The following LIMK1 variants were observed in gnomAD, a reference collection of about 807,000 sequenced individuals.
LIMK1 encodes LIM motif-containing protein kinase.
Under a neutral mutation model 77.6 loss-of-function variants are expected in LIMK1, and 21 were observed. The observed-to-expected ratio is 0.27, with a 90% CI of 0.19 to 0.39. The LOEUF (loss-of-function observed/expected upper bound fraction) is 0.39. Among genes scored for constraint, LIMK1 ranks in the 10% least tolerant of loss-of-function variants. LIMK1 has a pLI of 1.00. For synonymous variants in LIMK1, 358 were observed against 370.0 expected (o/e 0.97, Z 0.37); for missense variants, 696 against 901.6 (o/e 0.77, Z 2.92).
intron 4 of LIMK1, 129 bp downstream of exon 4, chr7:74,097,318 C>T: frequency 1.8e-6 from 1 of 548,752 alleles, no homozygotes; most frequent in East Asian, 3.1e-5. Context: ...GGCAAATGTT[C>T]ATATCTCCTT....
chr7:74,114,199 A>ATCACG (rs1554699014), intron 12 of LIMK1, among the ~76,000 whole-genome samples: 1 of 152,044 alleles, frequency 6.6e-6, no homozygotes, highest in Non-Finnish European at 1.5e-5. Flanking sequence ...GTGAGCCGAG[A>ATCACG]TCACGTCACT....
chr7:74,096,952 C>G (rs1470306193), intron 3 of LIMK1, 128 bp from the exon 4 acceptor site: 2 of 1,019,862 alleles, frequency 2.0e-6, no homozygotes, highest in East Asian at 5.2e-5. Flanking sequence ...TCCAGGAGCT[C>G]AGCAGCTGGC....
At chr7:74,099,450 A>G (rs782173135) in intron 5 of LIMK1, among the ~76,000 whole-genome samples, 1 of 152,112 alleles carries the variant, frequency 6.6e-6, no homozygotes, top group Non-Finnish European at 1.5e-5. Flanking sequence ...GACATTTTCA[A>G]CCGGGCATGG....
At chr7:74,108,052 T>C (rs1799615690) in intron 9 of LIMK1, 95 bp downstream of exon 9, 3 of 902,438 alleles carry the variant, frequency 3.3e-6, no homozygotes, top group African/African-American at 1.6e-5. Flanking sequence ...CTGGGAACCA[T>C]TGAAAGAAGA....
chr7:74,118,437 A>T (rs1030597602), intron 13 of LIMK1, among the ~76,000 whole-genome samples: 6 of 148,902 alleles, frequency 4.0e-5, no homozygotes, highest in Middle Eastern at 3.6e-3. Context: ...GAGTTAACAT[A>T]GCCCGCAAAG....
chr7:74,119,944 G>T (rs963128258), intron 13 of LIMK1, among the ~76,000 whole-genome samples: 2 of 152,136 alleles, frequency 1.3e-5, no homozygotes, highest in African/African-American at 4.8e-5. Context: ...TTCCCTCTTA[G>T]TTTTGGAAGC....
intron 2 of LIMK1, among the ~76,000 whole-genome samples, chr7:74,093,608 C>T (rs1799279961): frequency 2.0e-5 from 3 of 152,190 alleles, no homozygotes; most frequent in Non-Finnish European, 4.4e-5. Context: ...CCCAGCCCAG[C>T]CAGCCACCTG....
rs1554693698 is a variant in LIMK1, at chr7:74,083,966, C to T, written c.-25C>T. On this transcript the variant is annotated 5_prime_UTR_variant, in exon 1 of 16. Transcript: ENST00000336180. ...CCGGCCGCCCCCAGCCCCAGCCCCG[C>T]CGGGCCCCGCCCCCCGTCGAGTGCA... 3 of 1,252,082 alleles carry T rather than the reference C, an allele frequency of 2.4e-6. No individual in the cohort carries two copies. Among genetic ancestry groups the T allele is most frequent in the Middle Eastern group, 2.8e-4 (1 of 3,516 alleles). The allele number at this position is 1,252,082 out of a possible 1,614,324, so 77.6% of individuals were successfully genotyped here. A position where few individuals can be genotyped will look rare whatever the true frequency, so the allele number is the denominator to read the frequency against.
intron 2 of LIMK1, among the ~76,000 whole-genome samples, chr7:74,095,797 T>A (rs963653539): frequency 6.6e-6 from 1 of 151,960 alleles, no homozygotes; most frequent in African/African-American, 2.4e-5. Flanking sequence ...AAGCCGGGAA[T>A]GTAGGTCTAA....
intron 13 of LIMK1, among the ~76,000 whole-genome samples, chr7:74,118,434 C>T (rs569508060): frequency 6.9e-6 from 1 of 144,920 alleles, no homozygotes; most frequent in East Asian, 2.1e-4. Flanking sequence ...ACAGAGTTAA[C>T]ATAGCCCGCA....
At chr7:74,100,274 G>A (rs906886266) in intron 5 of LIMK1, among the ~76,000 whole-genome samples, 2 of 152,128 alleles carry the variant, frequency 1.3e-5, no homozygotes, top group African/African-American at 4.8e-5. Flanking sequence ...TTAGATTACT[G>A]TGTGACTTTG....
chr7:74,121,522 C>T lies in LIMK1; in HGVS notation c.*221C>T. On this transcript the variant is annotated 3_prime_UTR_variant, in exon 16 of 16. Transcript: ENST00000336180. Reference sequence around the variant, plus strand: ...TGCACACACACACCATGCTCTCGCCCTGCTGTAACCTCTGTCTTGGCAGGG... The same window carrying T: ...TGCACACACACACCATGCTCTCGCCTTGCTGTAACCTCTGTCTTGGCAGGG... 3.7e-6 allele frequency: 2 copies of T among 537,390 alleles called. No homozygotes were observed. Among genetic ancestry groups the T allele is most frequent in the Middle Eastern group, 4.8e-4 (1 of 2,082 alleles). 33.3% of individuals were successfully genotyped at this position (537,390 alleles called of 1,614,324 possible).
intron 4 of LIMK1, among the ~76,000 whole-genome samples, chr7:74,098,119 C>T (rs1554695975): frequency 2.0e-5 from 3 of 152,018 alleles, no homozygotes; most frequent in South Asian, 2.1e-4. Context: ...AGTCATTGGC[C>T]GTATGATCAA....
Position 74,120,523 on chromosome 7 carries a change from C to CTTTTGGCATCCCTGGCA in LIMK1, c.1568-59_1568-43dup, listed in dbSNP as rs1239811745. ...CCTCCCAGCTGGCCTGGTCCCCTGC[C>CTTTTGGCATCCCTGGCA]TTTTGGCATCCCTGGCACCCCCATG... On this transcript the variant is annotated intron_variant, in intron 13 of 15. Transcript: ENST00000336180. 4.4e-6 allele frequency: 7 copies of CTTTTGGCATCCCTGGCA among 1,592,526 alleles called. No homozygotes were observed. The East Asian group carries it at 1.6e-4, about 36-fold the overall frequency.
intron 12 of LIMK1, among the ~76,000 whole-genome samples, chr7:74,114,685 G>A (rs890529654): frequency 2.0e-5 from 3 of 152,022 alleles, no homozygotes; most frequent in Non-Finnish European, 4.4e-5. Flanking sequence ...GGAGGCCGAC[G>A]TGGGCGGATC....
chr7:74,106,436 A>G (rs2115705597), intron 7 of LIMK1, among the ~76,000 whole-genome samples, 193 bp downstream of exon 7: 1 of 152,044 alleles, frequency 6.6e-6, no homozygotes, highest in Non-Finnish European at 1.5e-5. Context: ...CCCACTCTCA[A>G]AAAAAAAGAG....
At position 74,099,165 on chromosome 7, in the gene LIMK1, T is replaced by C; in HGVS notation, c.535T>C (p.Ser179Pro). The C allele has an allele frequency of 6.2e-7, 1 of 1,613,280 alleles. No individual in the cohort carries two copies. Among genetic ancestry groups the C allele is most frequent in the Non-Finnish European group, 8.5e-7 (1 of 1,180,016 alleles). ...CTCATCTCATGGCAAGCGTGGACTT[T>C]CAGTCTCCATTGACCCCCCGCACGG... ...PASSHGKRGL[S>P]VSIDPPHGPP... Residue 179 changes from serine to proline, a missense_variant, in exon 5 of 16, where the codon TCA becomes CCA. Ser to Pro is a moderately conservative substitution (Grantham distance 74). Around this residue, in one of 3 missense-constraint regions of LIMK1, gnomAD observed 252 missense variants for 279.4 expected, o/e 0.90. Transcript: ENST00000336180.
At chr7:74,097,404 G>A (rs1211516114) in intron 4 of LIMK1, among the ~76,000 whole-genome samples, 4 of 152,240 alleles carry the variant, frequency 2.6e-5, no homozygotes, top group Non-Finnish European at 5.9e-5. Context: ...GGCCAGGCAT[G>A]CTGGCTCACG....
chr7:74,111,802 C>G, intron 11 of LIMK1, 95 bp downstream of exon 11: 2 of 1,438,564 alleles, frequency 1.4e-6, no homozygotes, highest in Non-Finnish European at 1.9e-6. Context: ...CAGAGGGGGT[C>G]GATGGGAGAG....
Sources: allele counts gnomAD v4.1 joint callset (sites outside exome capture counted in the v4.1 genomes callset), GRCh38; gene constraint gnomAD v4.1.1; regional missense constraint gnomAD v4.1.1; transcripts MANE v1.5; gene names NCBI Gene and HGNC (gene_info 2026-07-23, HGNC 2026-07-21).